Variants in CFD observed in about 807,000 individuals in gnomAD.
The protein encoded by CFD is C3 convertase activator.
Under a neutral mutation model 21.1 loss-of-function variants are expected in CFD, and 24 were observed. That is an observed-to-expected ratio of 1.14 (90% confidence interval 0.82 to 1.60). The LOEUF (loss-of-function observed/expected upper bound fraction) is 1.60, where lower values mean the gene tolerates loss of function less well. CFD is among the 40% of genes most tolerant of loss of function. The pLI is 0.00. For synonymous variants in CFD, 242 were observed against 175.9 expected, an observed-to-expected ratio of 1.38 and a Z score of -2.97; for missense variants, 535 against 383.3, an observed-to-expected ratio of 1.40 and a Z score of -3.31.
At chr19:862,043 G>T in intron 4 of CFD, 87 bp downstream of exon 4, 1 of 1,371,778 alleles carries the variant, frequency 7.3e-7, no homozygotes, top group Non-Finnish European at 9.6e-7. Context: ...GGGCAAGTAG[G>T]AACAGGGCCC....
Position 863,606 on chromosome 19 carries a change from T to TAAA in CFD, c.*369_*370insAAA. On this transcript the variant is annotated 3_prime_UTR_variant, in exon 5 of 5. Transcript: ENST00000327726. ...AACAGAGTGAAACCTTGTCTCTCTCTACAAAAAAAAAAAAAAAATTCTGCG... is the reference window on the plus strand; with the variant it reads ...AACAGAGTGAAACCTTGTCTCTCTCTAAAACAAAAAAAAAAAAAAAATTCTGCG... 1 of 154,062 alleles carries TAAA rather than the reference T, an allele frequency of 6.5e-6. No homozygotes were observed. The highest frequency in any genetic ancestry group is 1.3e-5 in the Non-Finnish European group (1 of 79,110). The allele number at this position is 154,062 out of a possible 1,614,324, so 9.5% of individuals were successfully genotyped here. A position where few individuals can be genotyped will look rare whatever the true frequency, so the allele number is the denominator to read the frequency against.
At position 860,629 on chromosome 19, in the gene CFD, G is replaced by A; in HGVS notation, c.68G>A (p.Arg23His). 6.9e-7 allele frequency: 1 copy of A among 1,459,664 alleles called. No individual in the cohort carries two copies. Among genetic ancestry groups the A allele is most frequent in the Non-Finnish European group, 9.0e-7 (1 of 1,113,568 alleles). The allele number at this position is 1,459,664 out of a possible 1,614,324, so 90.4% of individuals were successfully genotyped here. ...LGAAACAAPP[R>H]GRILGGREAE... Reference sequence around the variant, plus strand: ...CGCCCACCCACAGCGGCGCCGCCCCGTGGTCGGATCCTGGGCGGCAGAGAG... The same window carrying A: ...CGCCCACCCACAGCGGCGCCGCCCCATGGTCGGATCCTGGGCGGCAGAGAG... The change falls in exon 2 of 5, where the codon CGT becomes CAT. Residue 23 changes from arginine to histidine, a missense_variant. Transcript: ENST00000327726.
rs199541702 is a variant in CFD, at chr19:861,836, C to A, written c.495C>A (p.Ser165Arg). The A allele has an allele frequency of 1.6e-5, 25 of 1,600,724 alleles. No homozygotes were observed. The highest frequency in any genetic ancestry group is 2.1e-5 in the Non-Finnish European group (25 of 1,178,700). ...ACCACGCGGGCCGCCGCCCGGACAG[C>A]CTGCAGCACGTGCTCTTGCCAGTGC... ...IVNHAGRRPD[S>R]LQHVLLPVLD... The change falls in exon 4 of 5, where the codon AGC (serine) becomes AGA (arginine). Residue 165 changes from serine (S) to arginine (R), a missense_variant. Physicochemically the swap from Ser to Arg is moderately radical, Grantham distance 110. Transcript: ENST00000327726.
chr19:862,945 C>T, intron 4 of CFD, 147 bp from the exon 5 acceptor site: 1 of 779,862 alleles, frequency 1.3e-6, no homozygotes, highest in Non-Finnish European at 2.0e-6. Context: ...AGGCGTGGCG[C>T]GGGGCTATTG....
At chr19:862,022 C>G (rs2145164239) in intron 4 of CFD, 66 bp downstream of exon 4, 1 of 1,475,594 alleles carries the variant, frequency 6.8e-7, no homozygotes, top group East Asian at 2.6e-5. Flanking sequence ...GCAGAGGGAG[C>G]GCGAAGCGGG....
chr19:862,981 G>T, intron 4 of CFD, 111 bp from the exon 5 acceptor site: 1 of 1,101,894 alleles, frequency 9.1e-7, no homozygotes, highest in Non-Finnish European at 1.3e-6. Flanking sequence ...ATTAACACGG[G>T]AGGGATGAGC....
Position 860,949 on chromosome 19 carries a change from G to C in CFD, c.301G>C (p.Val101Leu). 3 of 1,601,056 alleles carry C rather than the reference G, an allele frequency of 1.9e-6. No individual in the cohort carries two copies. The highest frequency in any genetic ancestry group is 2.5e-6 in the Non-Finnish European group (3 of 1,179,448). ...SKRLYDVLRA[V>L]PHPDSQPDTI... ...GCGCCTGTACGACGTGCTCCGCGCA[G>C]TGCCCCACCCGGACAGCCAGCCCGA... Residue 101 changes from valine to leucine, a missense_variant, in exon 3 of 5, where the codon GTG (valine) becomes CTG (leucine). By Grantham distance (32) the Val-to-Leu change is conservative. Transcript: ENST00000327726.
intron 1 of CFD, among the ~76,000 whole-genome samples, chr19:860,192 T>C (rs1348610156): frequency 2.7e-5 from 4 of 149,960 alleles, no homozygotes; most frequent in Non-Finnish European, 5.9e-5. Flanking sequence ...TTCTTTTTTT[T>C]CTTTCTTTTT....
Position 861,859 on chromosome 19 carries a change from T to G in CFD, c.518T>G (p.Val173Gly). ...AGCCTGCAGCACGTGCTCTTGCCAG[T>G]GCTGGACCGCGCCACCTGCAACCGG... Reference protein sequence around the residue: ...PDSLQHVLLPVLDRATCNRRT... With the variant: ...PDSLQHVLLPGLDRATCNRRT... The change falls in exon 4 of 5, where the codon GTG becomes GGG. Residue 173 changes from valine to glycine, a missense_variant. Coordinates refer to ENST00000327726, the MANE Select transcript of CFD (RefSeq NM_001928.4). The G allele has an allele frequency of 1.3e-6, 2 of 1,597,256 alleles. No individual in the cohort carries two copies. The highest frequency in any genetic ancestry group is 1.7e-6 in the Non-Finnish European group (2 of 1,177,570).
At chr19:861,549 C>A in intron 3 of CFD, 150 bp from the exon 4 acceptor site, 1 of 946,900 alleles carries the variant, frequency 1.1e-6, no homozygotes, top group Non-Finnish European at 1.6e-6. Flanking sequence ...CACCCCCACC[C>A]AGGGTCTAGC....
intron 1 of CFD, 39 bp from the exon 2 acceptor site, chr19:860,578 A>G: frequency 2.9e-6 from 4 of 1,389,174 alleles, no homozygotes; most frequent in Non-Finnish European, 3.7e-6. Context: ...CCGGGGGAGG[A>G]GTCCACCCCG....
rs748220414 is a variant in CFD, at chr19:863,213, C to T, written c.737C>T (p.Ala246Val). 88 of 1,543,700 alleles carry T rather than the reference C, an allele frequency of 5.7e-5. No individual in the cohort carries two copies. The South Asian group carries it at 1.0e-3, about 18-fold the overall frequency. Residue 246 changes from alanine to valine, a missense_variant, in exon 5 of 5, where the codon GCC becomes GTC. Transcript: ENST00000327726. ...TACACCCGCGTGGCGAGCTATGCGG[C>T]CTGGATCGACAGCGTCCTGGCCTAG... ...GIYTRVASYA[A>V]WIDSVLA
Position 860,620 on chromosome 19 carries a change from C to A in CFD, c.59C>A (p.Ala20Glu). The change falls in exon 2 of 5, where the codon GCG becomes GAG. Residue 20 changes from alanine (A) to glutamate (E), a missense_variant. By Grantham distance (107) the Ala-to-Glu change is moderately radical (BLOSUM62 -1). Transcript: ENST00000327726. Reference protein sequence around the residue: ...LVLLGAAACAAPPRGRILGGR... With the variant: ...LVLLGAAACAEPPRGRILGGR... The stretch of plus-strand genomic sequence containing the variant: ...TCACGCGCCCGCCCACCCACAGCGG[C>A]GCCGCCCCGTGGTCGGATCCTGGGC... 2.8e-6 allele frequency: 4 copies of A among 1,448,964 alleles called. No individual in the cohort carries two copies. The highest frequency in any genetic ancestry group is 3.6e-6 in the Non-Finnish European group (4 of 1,108,914). The allele number at this position is 1,448,964 out of a possible 1,614,324, so 89.8% of individuals were successfully genotyped here.
intron 1 of CFD, among the ~76,000 whole-genome samples, 170 bp from the exon 2 acceptor site, chr19:860,447 C>G (rs1021663480): frequency 1.3e-5 from 2 of 151,678 alleles, no homozygotes. Context: ...CCTCCCCCCC[C>G]GCCCCCGCGC....
Position 861,949 on chromosome 19 carries a change from G to C in CFD, c.608G>C (p.Ser203Thr), listed in dbSNP as rs1468877587. Residue 203 changes from serine (S) to threonine (T), a missense_variant, in exon 4 of 5, where the codon AGC becomes ACC. By Grantham distance (58) the Ser-to-Thr change is moderately conservative. Coordinates refer to ENST00000327726, the MANE Select transcript of CFD (RefSeq NM_001928.4). ...TGCGCGGAGAGCAATCGCCGGGACA[G>C]CTGCAAGGTGAGCCTTCAGGCCTGG... is the stretch of plus-strand genomic sequence containing the variant. ...LMCAESNRRDSCKGDSGGPLV... is the reference protein window; with the variant it reads ...LMCAESNRRDTCKGDSGGPLV... The C allele has an allele frequency of 1.3e-6, 2 of 1,547,348 alleles. No individual in the cohort carries two copies. Among genetic ancestry groups the C allele is most frequent in the Middle Eastern group, 1.8e-4 (1 of 5,586 alleles).
chr19:861,068 C>T, intron 3 of CFD, 63 bp downstream of exon 3: 2 of 1,538,688 alleles, frequency 1.3e-6, no homozygotes, highest in East Asian at 2.3e-5. Context: ...CCTCACTCCA[C>T]CCCGCCTACA....
In CFD at chr19:862,924, G is replaced by A. The variant is rs533102756; in HGVS notation, c.616-168G>A. 6.6e-5 allele frequency among the ~76,000 whole-genome samples: 10 copies of A among 152,160 alleles called. No homozygotes were observed. In the East Asian group the frequency reaches 1.9e-3, roughly 29 times the overall value. On this transcript the variant is annotated intron_variant, in intron 4 of 4. Transcript: ENST00000327726. ...TAGAGGGGCGTGGCTTGTGGTTGTG[G>A]CCTAGGCGATAGGCGTGGCGCGGGG...
At chr19:860,550 C>T in intron 1 of CFD, 67 bp from the exon 2 acceptor site, 1 of 1,341,062 alleles carries the variant, frequency 7.5e-7, no homozygotes. Context: ...GAGCTGGGAT[C>T]CCGTCAGGCA....
rs1200341283 is a variant in CFD, at chr19:860,855, C to G, written c.213-6C>G. 3 of 1,567,064 alleles carry G rather than the reference C, an allele frequency of 1.9e-6. No homozygotes were observed. The Admixed American group carries it at 5.5e-5, about 29-fold the overall frequency. On this transcript the variant is annotated splice_polypyrimidine_tract_variant and splice_region_variant and intron_variant, in intron 2 of 4. Transcript: ENST00000327726. ...GCACCGACCGCGGACTCCGTCCGGT[C>G]CCCAGGGCCGACGGGAAGGTGCAGG...
Sources: allele counts gnomAD v4.1 joint callset (sites outside exome capture counted in the v4.1 genomes callset), GRCh38; gene constraint gnomAD v4.1.1; transcripts MANE v1.5; gene names NCBI Gene and HGNC (gene_info 2026-07-23, HGNC 2026-07-21).